Variants in TNC observed in about 807,000 individuals in gnomAD.
TNC encodes the protein tenascin.
TNC carries 109 observed loss-of-function variants against 202.4 expected under a neutral mutation model. The observed-to-expected ratio is 0.54, with a 90% CI of 0.46 to 0.63. The LOEUF (loss-of-function observed/expected upper bound fraction) is 0.63. TNC is among the 30% of genes least tolerant of loss of function. The probability of loss-of-function intolerance (pLI) is 0.00; values close to 1 mark genes in which losing one functional copy is unlikely to be tolerated. For missense variants in TNC, 2,756 were observed against 2,833.3 expected (o/e 0.97, Z 0.62); for synonymous variants, 1,007 against 1,089.7 (o/e 0.92, Z 1.50).
At position 115,086,489 on chromosome 9, in the gene TNC, G is replaced by A. The variant is rs746496814; in HGVS notation, c.1242C>T (p.Gly414=). The A allele has an allele frequency of 8.7e-6, 14 of 1,613,568 alleles. No homozygotes were observed. Among genetic ancestry groups the A allele is most frequent in the Non-Finnish European group, 1.1e-5 (13 of 1,179,978 alleles). The change falls in exon 3 of 28, where the codon GGC becomes GGT. Residue 414 remains glycine (G), a synonymous_variant. Transcript: ENST00000350763. ...GELKCPNGCS[G]HGRCVNGQCV... Reference sequence around the variant, plus strand: ...ACTGCCCATTGACACAGCGGCCATGGCCACTGCAGCCATTGGGACACTTGA... The same window carrying A: ...ACTGCCCATTGACACAGCGGCCATGACCACTGCAGCCATTGGGACACTTGA...
intron 21 of TNC, chr9:115,035,733 A>G (rs1006863307): frequency 4.1e-5 from 11 of 269,410 alleles, no homozygotes; most frequent in Non-Finnish European, 6.3e-5. Context: ...ATAGAAACCT[A>G]ACAAACATCT....
chr9:115,073,510 A>G (rs1261364603), intron 10 of TNC, 93 bp downstream of exon 10: 26 of 1,483,212 alleles, frequency 1.8e-5, no homozygotes, highest in Non-Finnish European at 2.2e-5. Context: ...TTGCTTTTGC[A>G]TTTGGCTTTC....
chr9:115,037,659 C>T (rs929123821), intron 20 of TNC, among the ~76,000 whole-genome samples: 1 of 152,144 alleles, frequency 6.6e-6, no homozygotes, highest in Admixed American at 6.5e-5. Flanking sequence ...TGCCGAGTAG[C>T]TGGGACTACA....
chr9:115,076,854 T>G (rs972834596), intron 7 of TNC, among the ~76,000 whole-genome samples: 8 of 152,226 alleles, frequency 5.3e-5, no homozygotes, highest in African/African-American at 1.9e-4. Context: ...AATAAGCTCA[T>G]GAGTGTAAAA....
At chr9:115,099,291 AGGT>A (rs1564144705) in intron 1 of TNC, among the ~76,000 whole-genome samples, 1 of 152,228 alleles carries the variant, frequency 6.6e-6, no homozygotes, top group Non-Finnish European at 1.5e-5. Flanking sequence ...AATGATGGAT[AGGT>A]CTTGCCCTTA....
At chr9:115,101,080 A>C (rs1836197557) in intron 1 of TNC, among the ~76,000 whole-genome samples, 1 of 152,172 alleles carries the variant, frequency 6.6e-6, no homozygotes, top group South Asian at 2.1e-4. Flanking sequence ...CCATCAATTC[A>C]TCCAACTATC....
intron 2 of TNC, 96 bp from the exon 3 acceptor site, chr9:115,087,369 C>T (rs1834850146): frequency 1.5e-5 from 18 of 1,240,526 alleles, no homozygotes; most frequent in South Asian, 8.5e-5. Context: ...AGCTGAAGGA[C>T]GGTTGCACCC....
intron 1 of TNC, among the ~76,000 whole-genome samples, chr9:115,095,752 A>G (rs2133883090): frequency 6.8e-6 from 1 of 147,422 alleles, no homozygotes; most frequent in African/African-American, 2.5e-5. Context: ...CAATTATATT[A>G]CATATAATAT....
chr9:115,042,116 C>G, intron 18 of TNC, 103 bp downstream of exon 18: 2 of 1,468,152 alleles, frequency 1.4e-6, no homozygotes, highest in East Asian at 2.3e-5. Context: ...AATTCATTTT[C>G]TTTGATCATG....
intron 1 of TNC, among the ~76,000 whole-genome samples, chr9:115,117,347 G>T (rs891027360): frequency 1.3e-5 from 2 of 152,154 alleles, no homozygotes; most frequent in South Asian, 4.1e-4. Context: ...GGACGCTGCT[G>T]GCTCTAGGCA....
At chr9:115,040,564 G>A (rs1830654289) in intron 19 of TNC, among the ~76,000 whole-genome samples, 1 of 152,226 alleles carries the variant, frequency 6.6e-6, no homozygotes, top group Non-Finnish European at 1.5e-5. Context: ...AAGCAGAATT[G>A]TGTCTGTTTT....
intron 1 of TNC, among the ~76,000 whole-genome samples, chr9:115,112,065 G>A (rs748067419): frequency 1.7e-4 from 26 of 152,142 alleles, no homozygotes; most frequent in Admixed American, 6.5e-4. Context: ...TAATGAATAC[G>A]GAGATACTAG....
chr9:115,086,900 A>G lies in TNC; in HGVS notation c.831T>C (p.Asp277=). 1 of 1,614,072 alleles carries G rather than the reference A, an allele frequency of 6.2e-7. No homozygotes were observed. Among genetic ancestry groups the G allele is most frequent in the Non-Finnish European group, 8.5e-7 (1 of 1,180,040 alleles). The change falls in exon 3 of 28, where the codon GAT becomes GAC. Residue 277 remains aspartate (D), a synonymous_variant. Transcript: ENST00000350763. ...TGAGACACAGAGGCTTGTTGCAGTCATCGCCTGCAAAGCCATCGTGGCACA... is the reference window on the plus strand; with the variant it reads ...TGAGACACAGAGGCTTGTTGCAGTCGTCGCCTGCAAAGCCATCGTGGCACA... The part of the protein sequence containing the change: ...LCVCHDGFAG[D]DCNKPLCLNN...
chr9:115,112,447 G>A (rs927890172), intron 1 of TNC, among the ~76,000 whole-genome samples: 9 of 152,168 alleles, frequency 5.9e-5, no homozygotes, highest in Non-Finnish European at 1.0e-4. Context: ...AGGTTGAGGG[G>A]AATCCCCTGC....
At chr9:115,105,662 T>C (rs761494056) in intron 1 of TNC, among the ~76,000 whole-genome samples, 1 of 152,174 alleles carries the variant, frequency 6.6e-6, no homozygotes, top group African/African-American at 2.4e-5. Flanking sequence ...TAGAGATATG[T>C]CTAACCCCCT....
At chr9:115,070,010 G>A (rs1409453628) in intron 10 of TNC, among the ~76,000 whole-genome samples, 2 of 151,814 alleles carry the variant, frequency 1.3e-5, no homozygotes, top group Non-Finnish European at 2.9e-5. Context: ...AGTAGCCAGG[G>A]TCCCTAAACA....
intron 1 of TNC, among the ~76,000 whole-genome samples, chr9:115,111,028 C>T (rs567745855): frequency 4.6e-5 from 7 of 152,136 alleles, no homozygotes; most frequent in Admixed American, 2.0e-4. Context: ...TACAGGTGCC[C>T]GCCACCACAC....
At chr9:115,065,292 A>T (rs888819273) in intron 10 of TNC, among the ~76,000 whole-genome samples, 1 of 152,106 alleles carries the variant, frequency 6.6e-6, no homozygotes, top group African/African-American at 2.4e-5. Flanking sequence ...GCTACTCAGG[A>T]GGCTGAGGCA....
At chr9:115,050,060 A>G (rs1831529184) in intron 15 of TNC, among the ~76,000 whole-genome samples, 1 of 152,140 alleles carries the variant, frequency 6.6e-6, no homozygotes, top group Admixed American at 6.5e-5. Flanking sequence ...TGGGCAAACA[A>G]TCTTCATCTG....
Sources: gnomAD v4.1 joint callset for allele counts (sites outside exome capture counted in the v4.1 genomes callset) on GRCh38, gnomAD v4.1.1 for gene constraint, MANE v1.5 for transcripts, NCBI Gene and HGNC (gene_info 2026-07-23, HGNC 2026-07-21) for gene names.